The following CBLB variants were observed in gnomAD, a reference collection of about 807,000 sequenced individuals.
The protein encoded by CBLB is E3 ubiquitin-protein ligase CBL-B.
Under a neutral mutation model 104.9 loss-of-function variants are expected in CBLB, and 31 were observed. The observed-to-expected ratio is 0.30, with a 90% CI of 0.22 to 0.40. CBLB has a LOEUF of 0.40. Among genes scored for constraint, CBLB ranks in the 10% least tolerant of loss-of-function variants. The probability of loss-of-function intolerance (pLI) is 1.00; values close to 1 mark genes in which losing one functional copy is unlikely to be tolerated. For synonymous variants in CBLB, 440 were observed against 422.6 expected (o/e 1.04, Z -0.51); for missense variants, 1,062 against 1,214.6 (o/e 0.87, Z 1.87).
At chr3:105,748,882 C>T (rs574076402) in intron 5 of CBLB, among the ~76,000 whole-genome samples, 2 of 152,238 alleles carry the variant, frequency 1.3e-5, no homozygotes, top group East Asian at 3.9e-4. Context: ...CTAAGTGTAC[C>T]TTGCTCACCT....
At chr3:105,702,048 G>A in intron 12 of CBLB, 46 bp downstream of exon 12, 1 of 1,610,366 alleles carries the variant, frequency 6.2e-7, no homozygotes, top group Non-Finnish European at 8.5e-7. Flanking sequence ...ACCATCAGAA[G>A]CATTTATAAG....
chr3:105,799,776 T>C (rs574529179), intron 3 of CBLB, among the ~76,000 whole-genome samples: 2 of 152,210 alleles, frequency 1.3e-5, no homozygotes, highest in African/African-American at 2.4e-5. Context: ...AAAATTTCAG[T>C]TGGGTTATTT....
At chr3:105,787,941 T>C (rs1028075149) in intron 3 of CBLB, among the ~76,000 whole-genome samples, 4 of 152,208 alleles carry the variant, frequency 2.6e-5, no homozygotes, top group African/African-American at 9.6e-5. Context: ...TGTTAATGAA[T>C]AGTAAACACT....
intron 4 of CBLB, among the ~76,000 whole-genome samples, chr3:105,761,403 C>T (rs1403437599): frequency 1.3e-5 from 2 of 152,144 alleles, no homozygotes; most frequent in African/African-American, 4.8e-5. Flanking sequence ...AATTGTAGCT[C>T]CCATAGTTCC....
At chr3:105,721,625 T>C (rs929527071) in intron 9 of CBLB, among the ~76,000 whole-genome samples, 4 of 152,108 alleles carry the variant, frequency 2.6e-5, no homozygotes, top group African/African-American at 9.7e-5. Flanking sequence ...AATACAGACA[T>C]ATAAATATAG....
chr3:105,852,094 T>C (rs1267960178), intron 3 of CBLB, among the ~76,000 whole-genome samples: 3 of 152,194 alleles, frequency 2.0e-5, no homozygotes, highest in Non-Finnish European at 2.9e-5. Flanking sequence ...TTTAACATTA[T>C]TTTATAGGGT....
Position 105,702,231 on chromosome 3 carries a change from G to T in CBLB, c.1822C>A (p.Arg608=), listed in dbSNP as rs1395578159. The part of the protein sequence containing the change: ...VFGTNQLVGC[R]LLGEGSPKPG... ...TTTGGAGAGCCCTCCCCTAGGAGTC[G>T]ACATCCCACAAGCTGATTAGTCCCA... Residue 608 remains arginine (R), a synonymous_variant, in exon 12 of 19, where the codon CGA becomes AGA. Transcript: ENST00000394030. 2 of 1,613,924 alleles carry T rather than the reference G, an allele frequency of 1.2e-6. No homozygotes were observed. The highest frequency in any genetic ancestry group is 8.5e-7 in the Non-Finnish European group (1 of 1,179,956).
intron 16 of CBLB, 142 bp downstream of exon 16, chr3:105,681,337 A>G: frequency 1.3e-6 from 1 of 754,254 alleles, no homozygotes; most frequent in Non-Finnish European, 2.2e-6. Context: ...CTTGGGAGTC[A>G]CCGGCACCTG....
At chr3:105,828,150 G>A (rs1490995247) in intron 3 of CBLB, among the ~76,000 whole-genome samples, 2 of 152,186 alleles carry the variant, frequency 1.3e-5, no homozygotes, top group African/African-American at 2.4e-5. Context: ...CTAGCCAGCA[G>A]GGAGCAGGAA....
rs2063499739 is a variant in CBLB, at chr3:105,658,628, C to T, written c.*342G>A. 2.6e-6 allele frequency: 1 copy of T among 391,984 alleles called. No homozygotes were observed. The highest frequency in any genetic ancestry group is 4.0e-5 in the Admixed American group (1 of 24,864). 24.3% of individuals were successfully genotyped at this position (391,984 alleles called of 1,614,324 possible). A position where few individuals can be genotyped will look rare whatever the true frequency, so the allele number is the denominator to read the frequency against. ...CAGTACAGGTATCAAAACACCAAAA[C>T]AAAACTAAACTAAAAACAAGAACAA... On this transcript the variant is annotated 3_prime_UTR_variant, in exon 19 of 19. Coordinates refer to ENST00000394030, the MANE Select transcript of CBLB (RefSeq NM_170662.5).
chr3:105,810,918 C>A (rs1201551642), intron 3 of CBLB, among the ~76,000 whole-genome samples: 4 of 151,976 alleles, frequency 2.6e-5, no homozygotes, highest in African/African-American at 9.7e-5. Context: ...ACTTAATGCA[C>A]TAAGTATACA....
intron 10 of CBLB, among the ~76,000 whole-genome samples, chr3:105,711,784 T>C (rs1437332471): frequency 2.6e-5 from 4 of 152,140 alleles, no homozygotes; most frequent in Non-Finnish European, 5.9e-5. Flanking sequence ...CCCTGCTACC[T>C]TCCTAAGAAT....
intron 17 of CBLB, chr3:105,672,046 G>C (rs2065117036): frequency 5.2e-6 from 1 of 192,832 alleles, no homozygotes; most frequent in African/African-American, 2.3e-5. Context: ...ATTTACTTTA[G>C]GTTCTTGTAG....
At chr3:105,838,232 G>T (rs2088903017) in intron 3 of CBLB, among the ~76,000 whole-genome samples, 1 of 146,362 alleles carries the variant, frequency 6.8e-6, no homozygotes, top group Non-Finnish European at 1.5e-5. Context: ...CACAGGCATG[G>T]GCCAACACAC....
intron 10 of CBLB, among the ~76,000 whole-genome samples, chr3:105,713,615 C>A (rs13073784): frequency 0.022 from 3,398 of 152,200 alleles, 88 homozygotes; most frequent in East Asian, 0.12. Context: ...AGGTATCCTA[C>A]GACATCACAC....
intron 3 of CBLB, among the ~76,000 whole-genome samples, chr3:105,849,761 A>G (rs2090716273): frequency 6.6e-6 from 1 of 152,104 alleles, no homozygotes; most frequent in Admixed American, 6.6e-5. Context: ...ATGTACTGAT[A>G]CCCTAAAGAG....
intron 10 of CBLB, among the ~76,000 whole-genome samples, chr3:105,716,183 T>C (rs540422094): frequency 3.3e-5 from 5 of 152,344 alleles, no homozygotes; most frequent in South Asian, 2.1e-4. Context: ...AAAATGACCA[T>C]GTGACATTTG....
chr3:105,707,487 A>T (rs766293626), intron 10 of CBLB, among the ~76,000 whole-genome samples: 4 of 152,186 alleles, frequency 2.6e-5, no homozygotes, highest in Non-Finnish European at 5.9e-5. Context: ...ATAATTTAAC[A>T]ATGCTCTTTT....
chr3:105,840,004 A>C (rs1219970185), intron 3 of CBLB, among the ~76,000 whole-genome samples: 1 of 152,206 alleles, frequency 6.6e-6, no homozygotes, highest in East Asian at 1.9e-4. Context: ...ACCAGGATGG[A>C]AATCTTTAGT....
Sources: gnomAD v4.1 joint callset for allele counts (sites outside exome capture counted in the v4.1 genomes callset) on GRCh38, gnomAD v4.1.1 for gene constraint, MANE v1.5 for transcripts, NCBI Gene and HGNC (gene_info 2026-07-23, HGNC 2026-07-21) for gene names.